DIXDC1: variants seen among roughly 807,000 people sequenced by gnomAD.
DIXDC1 encodes DIX domain containing 1.
DIXDC1 carries 64 observed loss-of-function variants against 103.1 expected under a neutral mutation model. The observed-to-expected ratio is 0.62, with a 90% confidence interval of 0.51 to 0.76. DIXDC1 has a LOEUF of 0.76. Among genes scored for constraint, DIXDC1 ranks in the 30% least tolerant of loss-of-function variants. The pLI, the probability that DIXDC1 is intolerant of heterozygous loss-of-function variation, is 0.00. For synonymous variants in DIXDC1, 266 were observed against 298.5 expected (o/e 0.89, Z 1.12); for missense variants, 759 against 834.2 (o/e 0.91, Z 1.11).
At chr11:111,931,304 A>G (rs1555167650) in intron 2 of DIXDC1, among the ~76,000 whole-genome samples, 1 of 151,962 alleles carries the variant, frequency 6.6e-6, no homozygotes, top group Admixed American at 6.6e-5. Flanking sequence ...GTGCCTCTGC[A>G]CTCTAGCCTG....
rs782177235 is a variant in DIXDC1 at position 112,020,035 on chromosome 11, A to C, written c.*999A>C. The C allele has an allele frequency of 6.6e-6, 1 of 152,124 alleles. No individual in the cohort carries two copies. Among genetic ancestry groups the C allele is most frequent in the Non-Finnish European group, 1.5e-5 (1 of 68,016 alleles). The allele number at this position is 152,124 out of a possible 1,614,324, so 9.4% of individuals were successfully genotyped here. ...CATTTCAAGGCCAGAGTTATTTTCT[A>C]TTTATGTATTAGTCTAGGCTGATCT... On this transcript the variant is annotated 3_prime_UTR_variant, in exon 20 of 20. Coordinates refer to ENST00000440460, the MANE Select transcript of DIXDC1 (RefSeq NM_001037954.4).
intron 1 of DIXDC1, among the ~76,000 whole-genome samples, chr11:111,957,638 A>G (rs1456949274): frequency 1.3e-5 from 2 of 152,226 alleles, no homozygotes; most frequent in Non-Finnish European, 2.9e-5. Context: ...ATTGTGGGAC[A>G]TTGTACAACA....
chr11:112,011,106 G>GA (rs1338093634), intron 17 of DIXDC1, among the ~76,000 whole-genome samples: 1 of 151,966 alleles, frequency 6.6e-6, no homozygotes, highest in African/African-American at 2.4e-5. Context: ...AAATTTACAA[G>GA]AAAAAAATCA....
upstream of DIXDC1, among the ~76,000 whole-genome samples, chr11:111,932,974 A>C (rs1429510936): frequency 6.6e-6 from 1 of 152,262 alleles, no homozygotes; most frequent in Non-Finnish European, 1.5e-5. Context: ...TAATGAAACA[A>C]TGTATGAATG....
rs368312891 is a variant in DIXDC1, at chr11:112,017,355, C to A, written c.1863-422C>A. On this transcript the variant is annotated intron_variant, in intron 18 of 19. Coordinates refer to ENST00000440460, the MANE Select transcript of DIXDC1 (RefSeq NM_001037954.4). The surrounding 1 kb of genome is among the most constrained non-coding windows in gnomAD (Gnocchi z 4.0). ...CTGCTTATTTAGTCTGGGTTAGAAG[C>A]CAGCTTCCTAAAGATAGAGGGATAA... 6.6e-6 allele frequency among the ~76,000 whole-genome samples: 1 copy of A among 152,208 alleles called. No homozygotes were observed. Among genetic ancestry groups the A allele is most frequent in the African/African-American group, 2.4e-5 (1 of 41,532 alleles).
chr11:111,961,922 T>G (rs1859591541), intron 1 of DIXDC1, among the ~76,000 whole-genome samples: 1 of 152,336 alleles, frequency 6.6e-6, no homozygotes, highest in South Asian at 2.1e-4. Flanking sequence ...CCTCTTTGCT[T>G]CTTTTCCTCC....
intron 1 of DIXDC1, among the ~76,000 whole-genome samples, chr11:111,957,354 G>T (rs1371033766): frequency 6.6e-6 from 1 of 152,206 alleles, no homozygotes; most frequent in Admixed American, 6.5e-5. Flanking sequence ...GATGGGAAAA[G>T]TGATGATGAG....
intron 1 of DIXDC1, among the ~76,000 whole-genome samples, chr11:111,943,653 C>G (rs587660330): frequency 6.6e-6 from 1 of 152,192 alleles, no homozygotes; most frequent in Non-Finnish European, 1.5e-5. Flanking sequence ...ATGCGTGCCA[C>G]CACGCCTGGC....
At chr11:111,939,243 C>T (rs1555168582) in intron 1 of DIXDC1, among the ~76,000 whole-genome samples, 1 of 152,202 alleles carries the variant, frequency 6.6e-6, no homozygotes, top group East Asian at 1.9e-4. Context: ...ACTTCGAAAC[C>T]TTTCGACTGA....
Position 111,998,484 on chromosome 11 carries a change from A to C in DIXDC1, c.1756+2338A>C, listed in dbSNP as rs1410411236. The stretch of plus-strand genomic sequence containing the variant: ...GCTTTAACTACACTTGTGTGCCGAT[A>C]ATTTTTATGTTTTATCTCAAATCTC... On this transcript the variant is annotated intron_variant, in intron 17 of 19. Transcript: ENST00000440460. This position sits in a 1 kb window ranked among gnomAD's most constrained non-coding sequence, Gnocchi z 4.1. 6.6e-6 allele frequency among the ~76,000 whole-genome samples: 1 copy of C among 152,232 alleles called. No homozygotes were observed. Among genetic ancestry groups the C allele is most frequent in the South Asian group, 2.1e-4 (1 of 4,816 alleles).
intron 17 of DIXDC1, among the ~76,000 whole-genome samples, chr11:112,008,747 T>C (rs1347644183): frequency 6.6e-6 from 1 of 152,304 alleles, no homozygotes; most frequent in Admixed American, 6.5e-5. Context: ...AAAGATGTTC[T>C]TTGAAACCAA....
At chr11:111,945,765 T>G (rs1222771463) in intron 1 of DIXDC1, 1 of 55,726 alleles carries the variant, frequency 1.8e-5, no homozygotes, top group Non-Finnish European at 3.3e-5. Context: ...ACCACAGGCC[T>G]TGCTGACATG....
In DIXDC1 at chr11:111,974,169, G is replaced by C. The variant is rs781815304; in HGVS notation, c.463G>C (p.Val155Leu). Residue 155 changes from valine to leucine, a missense_variant, in exon 4 of 20, where the codon GTT becomes CTT. By Grantham distance (32) the Val-to-Leu change is conservative (BLOSUM62 1). Around this residue, in one of 3 missense-constraint regions of DIXDC1, gnomAD observed 657 missense variants for 727.5 expected, o/e 0.90. Coordinates refer to ENST00000440460, the MANE Select transcript of DIXDC1 (RefSeq NM_001037954.4). ...QSHRPHCATAVAQGAAAALAD... is the reference protein window; with the variant it reads ...QSHRPHCATALAQGAAAALAD... ...TCACCGACCACACTGTGCCACTGCT[G>C]TTGCCCAGGGAGCAGCTGCTGCTCT... is the stretch of plus-strand genomic sequence containing the variant. 9.3e-6 allele frequency: 15 copies of C among 1,614,054 alleles called. No individual in the cohort carries two copies. Among genetic ancestry groups the C allele is most frequent in the Non-Finnish European group, 1.3e-5 (15 of 1,179,902 alleles).
chr11:112,017,970 G>A lies in DIXDC1; in HGVS notation c.1971+85G>A, dbSNP rs1488841983. 9.4e-7 allele frequency: 1 copy of A among 1,068,958 alleles called. No individual in the cohort carries two copies. The highest frequency in any genetic ancestry group is 1.6e-5 in the African/African-American group (1 of 63,006). 66.2% of individuals were successfully genotyped at this position (1,068,958 alleles called of 1,614,324 possible). A position where few individuals can be genotyped will look rare whatever the true frequency, so the allele number is the denominator to read the frequency against. ...CCTGTTCAAGCACTAGTGTCCAGAA[G>A]TACATGAGTTCCCTGACTAGGTCAG... On this transcript the variant is annotated intron_variant, in intron 19 of 19. Transcript: ENST00000440460. This position sits in a 1 kb window ranked among gnomAD's most constrained non-coding sequence, Gnocchi z 4.0.
At chr11:111,933,351 C>T (rs1966091875), upstream of DIXDC1, among the ~76,000 whole-genome samples, 1 of 152,216 alleles carries the variant, frequency 6.6e-6, no homozygotes, top group Non-Finnish European at 1.5e-5. Context: ...TGGTCTCGGA[C>T]TCCTGACCTC....
intron 11 of DIXDC1, among the ~76,000 whole-genome samples, 152 bp from the exon 12 acceptor site, chr11:111,992,799 A>G (rs1860749981): frequency 6.6e-6 from 1 of 152,194 alleles, no homozygotes; most frequent in African/African-American, 2.4e-5. Context: ...TACTTCACTA[A>G]AAATGTGGAG....
intron 1 of DIXDC1, among the ~76,000 whole-genome samples, chr11:111,946,022 C>G (rs1483380156): frequency 1.3e-5 from 2 of 151,440 alleles, no homozygotes; most frequent in African/African-American, 4.9e-5. Flanking sequence ...CTGCAAACTC[C>G]GCCTCCTGGG....
chr11:111,953,470 C>G (rs1019603013), intron 1 of DIXDC1, among the ~76,000 whole-genome samples: 1 of 152,118 alleles, frequency 6.6e-6, no homozygotes, highest in Admixed American at 6.6e-5. Context: ...AACCCCGTCT[C>G]TACTAAAAAT....
intron 1 of DIXDC1, among the ~76,000 whole-genome samples, chr11:111,955,977 T>C (rs1273070963): frequency 6.4e-5 from 9 of 140,992 alleles, no homozygotes; most frequent in Non-Finnish European, 1.0e-4. Context: ...GTGGTGCATA[T>C]ATATATGTGT....
Sources: gnomAD v4.1 joint callset for allele counts (sites outside exome capture counted in the v4.1 genomes callset) on GRCh38, gnomAD v4.1.1 for gene constraint, gnomAD v4.1.1 regional missense constraint, Gnocchi (gnomAD v3.1) non-coding constraint, MANE v1.5 for transcripts, NCBI Gene and HGNC (gene_info 2026-07-23, HGNC 2026-07-21) for gene names.